The following TBXAS1 variants were observed in gnomAD, a reference collection of about 807,000 sequenced individuals.
TBXAS1 encodes the protein thromboxane-A synthase.
In TBXAS1, 48 loss-of-function variants were observed where a neutral mutation model predicts 60.7. That is an observed-to-expected ratio of 0.79 (90% CI 0.63 to 1.01). The LOEUF is 1.01. Ranked by LOEUF, TBXAS1 falls within the 50% of genes least tolerant of loss-of-function variation. The pLI is 0.00. For missense variants in TBXAS1, 685 were observed against 686.3 expected, an observed-to-expected ratio of 1.00 and a Z score of 0.02; for synonymous variants, 287 against 269.7, an observed-to-expected ratio of 1.06 and a Z score of -0.63.
rs947603201 is a variant in TBXAS1, at chr7:139,916,852, CCATT to C, written c.333+5532_333+5535del. Among the ~76,000 whole-genome samples, 6 of 152,344 alleles carry C rather than the reference CCATT, an allele frequency of 3.9e-5. No individual in the cohort carries two copies. Among genetic ancestry groups the C allele is most frequent in the Middle Eastern group, 6.8e-3 (2 of 294 alleles). On this transcript the variant is annotated intron_variant, in intron 4 of 12. Coordinates refer to ENST00000448866, the MANE Select transcript of TBXAS1 (RefSeq NM_001061.7). The surrounding 1 kb of genome is among the most constrained non-coding windows in gnomAD (Gnocchi z 4.2). ...GCCACAGGGACCCGCCTGCTGGCAT[CCATT>C]GAGGAGAGAGGGGCCCTTGGCAGAC...
Position 139,951,858 on chromosome 7 carries a change from G to A in TBXAS1, c.451-1510G>A, listed in dbSNP as rs201984901. On this transcript the variant is annotated intron_variant, in intron 5 of 12. Coordinates refer to ENST00000448866, the MANE Select transcript of TBXAS1 (RefSeq NM_001061.7). ...AAGAAAGAAAGAAGGAAGGAAGGAA[G>A]GAAAGAAGGAAGGAAGGAAGGAAAG... is the stretch of plus-strand genomic sequence containing the variant. 3.2e-3 allele frequency among the ~76,000 whole-genome samples: 29 copies of A among 9,090 alleles called. 3 individuals carry two copies. In the East Asian group the frequency reaches 0.05, roughly 16 times the overall value. 6.0% of individuals were successfully genotyped at this position (9,090 alleles called of 152,430 possible). A position where few individuals can be genotyped will look rare whatever the true frequency, so the allele number is the denominator to read the frequency against.
chr7:139,967,762 G>A (rs1193761189), intron 9 of TBXAS1, among the ~76,000 whole-genome samples: 1 of 152,178 alleles, frequency 6.6e-6, no homozygotes, highest in Non-Finnish European at 1.5e-5. Flanking sequence ...GGGGTAAATG[G>A]CTTCTGGGTA....
chr7:139,958,312 A>G (rs1810040763), intron 8 of TBXAS1, among the ~76,000 whole-genome samples: 1 of 152,182 alleles, frequency 6.6e-6, no homozygotes, highest in Non-Finnish European at 1.5e-5. Flanking sequence ...GAGACGTAGC[A>G]TTTTCTTTCC....
intron 4 of TBXAS1, among the ~76,000 whole-genome samples, chr7:139,814,902 C>T (rs543242634): frequency 1.3e-5 from 2 of 152,242 alleles, no homozygotes; most frequent in East Asian, 3.9e-4. Context: ...TGGTGAGCTC[C>T]CTGAGCACAG....
Position 140,013,003 on chromosome 7 carries a change from A to G in TBXAS1, c.1227-2720A>G, listed in dbSNP as rs968355650. 1.3e-5 allele frequency among the ~76,000 whole-genome samples: 2 copies of G among 151,764 alleles called. No individual in the cohort carries two copies. The highest frequency in any genetic ancestry group is 4.8e-5 in the African/African-American group (2 of 41,268). On this transcript the variant is annotated intron_variant, in intron 10 of 12. Coordinates refer to ENST00000448866, the MANE Select transcript of TBXAS1 (RefSeq NM_001061.7). The surrounding 1 kb of genome is among the most constrained non-coding windows in gnomAD (Gnocchi z 4.2). ...TTAAGGTAGGTCTTTTGTGGCAAGG[A>G]ATATTTGAAATTGGGCAAGATGAGT... is the stretch of plus-strand genomic sequence containing the variant.
intron 9 of TBXAS1, among the ~76,000 whole-genome samples, chr7:139,969,111 C>T (rs1382268159): frequency 6.6e-6 from 1 of 152,128 alleles, no homozygotes; most frequent in Admixed American, 6.5e-5. Context: ...ACCCATTTTC[C>T]TTCTGCTTAA....
At chr7:139,898,455 T>C (rs536586003) in intron 3 of TBXAS1, among the ~76,000 whole-genome samples, 38 of 128,984 alleles carry the variant, frequency 2.9e-4, no homozygotes, top group Non-Finnish European at 3.0e-4. Context: ...TGAGACAGAG[T>C]CTTGCTCTTG....
chr7:139,900,676 T>C (rs1804495229), intron 3 of TBXAS1, among the ~76,000 whole-genome samples: 1 of 152,230 alleles, frequency 6.6e-6, no homozygotes, highest in African/African-American at 2.4e-5. Context: ...GGACTCTATA[T>C]TGTGCTTTGT....
intron 1 of TBXAS1, among the ~76,000 whole-genome samples, chr7:139,840,533 C>G (rs974773431): frequency 7.9e-5 from 12 of 152,178 alleles, no homozygotes; most frequent in African/African-American, 2.7e-4. Context: ...TGCTAAAGTA[C>G]TGCTGCATAT....
intron 1 of TBXAS1, among the ~76,000 whole-genome samples, chr7:139,856,937 G>A (rs955035122): frequency 1.3e-5 from 2 of 152,158 alleles, no homozygotes; most frequent in Non-Finnish European, 2.9e-5. Context: ...CTTTGAAAAG[G>A]CCGCTTTCTA....
At chr7:139,960,149 G>T (rs558067776) in intron 8 of TBXAS1, among the ~76,000 whole-genome samples, 1 of 152,276 alleles carries the variant, frequency 6.6e-6, no homozygotes, top group African/African-American at 2.4e-5. Context: ...TTAGACTCAA[G>T]GTCTGTGGCA....
At chr7:139,854,558 A>G (rs1018051938) in intron 1 of TBXAS1, among the ~76,000 whole-genome samples, 9 of 152,150 alleles carry the variant, frequency 5.9e-5, no homozygotes, top group Non-Finnish European at 1.0e-4. Context: ...TCAGGACCCT[A>G]CTGAAAACTC....
chr7:139,932,148 C>CA (rs1807382641), intron 4 of TBXAS1, among the ~76,000 whole-genome samples: 1 of 119,796 alleles, frequency 8.3e-6, no homozygotes, highest in African/African-American at 3.4e-5. Flanking sequence ...GCCTGGGCAA[C>CA]AGAGCGAGAC....
At chr7:139,827,300 A>G (rs1007799343), upstream of TBXAS1, among the ~76,000 whole-genome samples, 35 of 152,270 alleles carry the variant, frequency 2.3e-4, no homozygotes, top group Non-Finnish European at 4.3e-4. Flanking sequence ...TTTGGTGTCC[A>G]TTTGCATGAA....
intron 9 of TBXAS1, among the ~76,000 whole-genome samples, chr7:139,972,115 C>T (rs917902173): frequency 2.0e-5 from 3 of 152,220 alleles, no homozygotes; most frequent in Non-Finnish European, 2.9e-5. Flanking sequence ...CACTCCAGCA[C>T]TTTGAATTTT....
chr7:139,936,283 T>C lies in TBXAS1; in HGVS notation c.426T>C (p.Ala142=), dbSNP rs748164764. 25 of 1,614,114 alleles carry C rather than the reference T, an allele frequency of 1.5e-5. No homozygotes were observed. Among genetic ancestry groups the C allele is most frequent in the Non-Finnish European group, 2.0e-5 (24 of 1,180,042 alleles). The change falls in exon 5 of 13, where the codon GCT becomes GCC. Residue 142 remains alanine (A), a synonymous_variant. Coordinates refer to ENST00000448866, the MANE Select transcript of TBXAS1 (RefSeq NM_001061.7). The part of the protein sequence containing the change: ...WEEVRGALMS[A]FSPEKLNEMV... The stretch of plus-strand genomic sequence containing the variant: ...AGGTCAGAGGTGCCCTGATGTCTGC[T>C]TTCAGTCCTGAAAAGCTGAACGAGG...
intron 9 of TBXAS1, among the ~76,000 whole-genome samples, chr7:139,990,393 C>T (rs1812800988): frequency 6.6e-6 from 1 of 152,224 alleles, no homozygotes; most frequent in Admixed American, 6.5e-5. Flanking sequence ...ACTACTGCAG[C>T]TACCTGTGTC....
At chr7:139,812,131 T>C (rs931655556) in intron 4 of TBXAS1, among the ~76,000 whole-genome samples, 2 of 152,204 alleles carry the variant, frequency 1.3e-5, no homozygotes, top group African/African-American at 4.8e-5. Context: ...AAAGCAGCAG[T>C]ATATAGGAAT....
At chr7:139,898,048 G>A (rs1386286940) in intron 3 of TBXAS1, among the ~76,000 whole-genome samples, 2 of 152,330 alleles carry the variant, frequency 1.3e-5, no homozygotes, top group East Asian at 3.9e-4. Context: ...GCACCCTGTG[G>A]ACCATCCAGC....
Sources: gnomAD v4.1 joint callset for allele counts (sites outside exome capture counted in the v4.1 genomes callset) on GRCh38, gnomAD v4.1.1 for gene constraint, Gnocchi (gnomAD v3.1) non-coding constraint, MANE v1.5 for transcripts, NCBI Gene and HGNC (gene_info 2026-07-23, HGNC 2026-07-21) for gene names.